Variants in SHISAL1 observed in about 807,000 individuals in gnomAD.
The protein encoded by SHISAL1 is protein shisa-like-1.
In SHISAL1, 9 loss-of-function variants were observed where a neutral mutation model predicts 22.6. The observed-to-expected ratio is 0.40, with a 90% CI of 0.24 to 0.70. SHISAL1 has a LOEUF of 0.70. SHISAL1 is among the 30% of genes least tolerant of loss of function. The pLI is 0.39. For missense variants in SHISAL1, 246 were observed against 270.6 expected (o/e 0.91, Z 0.64); for synonymous variants, 119 against 115.4 (o/e 1.03, Z -0.20).
intron 4 of SHISAL1, among the ~76,000 whole-genome samples, chr22:44,262,786 G>A (rs1392935197): frequency 2.0e-5 from 3 of 152,190 alleles, no homozygotes; most frequent in Non-Finnish European, 1.5e-5. Context: ...GGGTGAGGAG[G>A]GTCTGCAGCT....
chr22:44,298,154 G>T (rs964485857), intron 2 of SHISAL1, among the ~76,000 whole-genome samples: 6 of 152,200 alleles, frequency 3.9e-5, no homozygotes, highest in African/African-American at 1.4e-4. Context: ...GGAACCAGGG[G>T]AGCTCTCCAG....
Position 44,245,520 on chromosome 22 carries a change from C to G in SHISAL1, c.*4165G>C, listed in dbSNP as rs1304650075. The G allele has an allele frequency of 1.3e-5, 2 of 152,350 alleles. No homozygotes were observed. Among genetic ancestry groups the G allele is most frequent in the South Asian group, 4.1e-4 (2 of 4,828 alleles). 9.4% of individuals were successfully genotyped at this position (152,350 alleles called of 1,614,324 possible). A position where few individuals can be genotyped will look rare whatever the true frequency, so the allele number is the denominator to read the frequency against. On this transcript the variant is annotated 3_prime_UTR_variant, in exon 5 of 5. Coordinates refer to ENST00000381176, the MANE Select transcript of SHISAL1 (RefSeq NM_001099294.2). ...CAAGTTGAAAAATTAAAAAATTTTA[C>G]AAGTCTGCACCCCCGGGGACCCCGT...
intron 3 of SHISAL1, among the ~76,000 whole-genome samples, chr22:44,296,204 G>C (rs1391964996): frequency 6.8e-6 from 1 of 146,344 alleles, no homozygotes; most frequent in Non-Finnish European, 1.5e-5. Context: ...TGTCACCCAG[G>C]CTGGAGTGCA....
the SHISAL1 span, among the ~76,000 whole-genome samples, chr22:44,329,782 G>A: frequency 1.3e-5 from 2 of 152,298 alleles, no homozygotes; most frequent in East Asian, 1.9e-4. Context: ...CTAGGCAACC[G>A]TGACCGGCAT....
Position 44,245,159 on chromosome 22 carries a change from A to C in SHISAL1, c.*4526T>G, listed in dbSNP as rs995767222. The C allele has an allele frequency of 5.9e-5, 9 of 152,280 alleles. No homozygotes were observed. Among genetic ancestry groups the C allele is most frequent in the Admixed American group, 2.0e-4 (3 of 15,278 alleles). 9.4% of individuals were successfully genotyped at this position (152,280 alleles called of 1,614,324 possible). ...TGCCCACCACGTGAGCAGGATGATT[A>C]AGAATTCCTGCAGTTTGCTTCCATG... On this transcript the variant is annotated 3_prime_UTR_variant, in exon 5 of 5. Transcript: ENST00000381176.
At chr22:44,298,472 G>C (rs543909072) in intron 2 of SHISAL1, among the ~76,000 whole-genome samples, 10 of 151,088 alleles carry the variant, frequency 6.6e-5, no homozygotes, top group Admixed American at 5.3e-4. Context: ...GCTTGGGTTT[G>C]GGGCCCACTG....
At chr22:44,279,472 A>G (rs547903807) in intron 4 of SHISAL1, among the ~76,000 whole-genome samples, 27 of 152,292 alleles carry the variant, frequency 1.8e-4, no homozygotes, top group African/African-American at 6.0e-4. Flanking sequence ...CAGAAACCAC[A>G]CGCCAAGGAC....
rs1249954580 is a variant in SHISAL1, at chr22:44,246,404, T to A, written c.*3281A>T. 2 of 152,170 alleles carry A rather than the reference T, an allele frequency of 1.3e-5. No individual in the cohort carries two copies. The highest frequency in any genetic ancestry group is 2.9e-5 in the Non-Finnish European group (2 of 68,032). 9.4% of individuals were successfully genotyped at this position (152,170 alleles called of 1,614,324 possible). On this transcript the variant is annotated 3_prime_UTR_variant, in exon 5 of 5. Coordinates refer to ENST00000381176, the MANE Select transcript of SHISAL1 (RefSeq NM_001099294.2). The stretch of plus-strand genomic sequence containing the variant: ...ATTATTATTATTACAAATTACATGG[T>A]GATGGACAGAAGCTCACAGTAAAAA...
At chr22:44,278,692 G>A (rs777740304) in intron 4 of SHISAL1, among the ~76,000 whole-genome samples, 1 of 152,144 alleles carries the variant, frequency 6.6e-6, no homozygotes, top group Admixed American at 6.5e-5. Flanking sequence ...GAGAAGGGGT[G>A]AGGAGAAACT....
At chr22:44,260,565 C>A (rs575398674) in intron 4 of SHISAL1, among the ~76,000 whole-genome samples, 134 of 152,340 alleles carry the variant, frequency 8.8e-4, no homozygotes, top group Middle Eastern at 3.4e-3. Flanking sequence ...ATGGTCGAAG[C>A]CTTTGCTTGG....
At chr22:44,318,308 G>A in the SHISAL1 span, among the ~76,000 whole-genome samples, 2 of 152,280 alleles carry the variant, frequency 1.3e-5, no homozygotes, top group South Asian at 2.1e-4. Context: ...TTAGTGTGCT[G>A]TTGCTTTGGG....
At chr22:44,260,002 C>A (rs938963383) in intron 4 of SHISAL1, among the ~76,000 whole-genome samples, 1 of 152,182 alleles carries the variant, frequency 6.6e-6, no homozygotes, top group Non-Finnish European at 1.5e-5. Context: ...GATTCTCCCC[C>A]ACCAGGAGAT....
chr22:44,253,043 G>C (rs9614408), intron 4 of SHISAL1, among the ~76,000 whole-genome samples: 19,289 of 151,846 alleles, frequency 0.13, 1,390 homozygotes, highest in East Asian at 0.31. Flanking sequence ...TTTTTACAAA[G>C]TTCTACAGAG....
At chr22:44,290,783 G>A (rs1031761536) in intron 3 of SHISAL1, among the ~76,000 whole-genome samples, 4 of 152,162 alleles carry the variant, frequency 2.6e-5, no homozygotes, top group Non-Finnish European at 5.9e-5. Context: ...GAGATAACAC[G>A]AGGGCCTGGA....
intron 3 of SHISAL1, among the ~76,000 whole-genome samples, chr22:44,288,076 AGTGGACG>A (rs879425604): frequency 1.9e-4 from 29 of 152,310 alleles, no homozygotes; most frequent in African/African-American, 2.6e-4. Flanking sequence ...CAGAAGTGGC[AGTGGACG>A]CTCGTTCCCC....
intron 4 of SHISAL1, 122 bp downstream of exon 4, chr22:44,285,306 A>G: frequency 9.1e-7 from 1 of 1,099,840 alleles, no homozygotes; most frequent in Non-Finnish European, 1.3e-6. Context: ...GGCAAACAAC[A>G]AGATAAGCAA....
chr22:44,291,560 AG>A (rs144743194), intron 3 of SHISAL1, among the ~76,000 whole-genome samples: 1,908 of 152,202 alleles, frequency 0.013, 51 homozygotes, highest in African/African-American at 0.044. Context: ...CCCCTGGGGA[AG>A]GGCAAAGCTT....
chr22:44,282,051 G>A (rs1469417307), intron 4 of SHISAL1, among the ~76,000 whole-genome samples: 1 of 152,256 alleles, frequency 6.6e-6, no homozygotes, highest in Non-Finnish European at 1.5e-5. Flanking sequence ...GCTGTGTGGG[G>A]CTGAGCCACT....
At chr22:44,263,860 C>G (rs2055143653) in intron 4 of SHISAL1, among the ~76,000 whole-genome samples, 1 of 152,198 alleles carries the variant, frequency 6.6e-6, no homozygotes, top group South Asian at 2.1e-4. Flanking sequence ...TCCTCTGGAT[C>G]TGTACAAGAC....
Sources: allele counts gnomAD v4.1 joint callset (sites outside exome capture counted in the v4.1 genomes callset), GRCh38; gene constraint gnomAD v4.1.1; transcripts MANE v1.5; gene names NCBI Gene and HGNC (gene_info 2026-07-23, HGNC 2026-07-21).